Variants in TRIP12 observed in about 807,000 individuals in gnomAD.
The protein encoded by TRIP12 is E3 ubiquitin-protein ligase TRIP12.
A neutral mutation model predicts 244.2 loss-of-function variants in TRIP12; 25 were observed. The ratio of observed to expected loss-of-function variants is 0.10; its 90% CI spans 0.07 to 0.14. The LOEUF (loss-of-function observed/expected upper bound fraction) is 0.14, where lower values mean the gene tolerates loss of function less well. Ranked by LOEUF, TRIP12 falls within the 10% of genes least tolerant of loss-of-function variation. The pLI, the probability that TRIP12 is intolerant of heterozygous loss-of-function variation, is 1.00. For synonymous variants in TRIP12, 905 were observed against 873.1 expected, an observed-to-expected ratio of 1.04 and a Z score of -0.64; for missense variants, 1,677 against 2,486.4, an observed-to-expected ratio of 0.67 and a Z score of 6.92.
chr2:229,853,966 TTA>T (rs1352489656), intron 4 of TRIP12, among the ~76,000 whole-genome samples: 1 of 152,192 alleles, frequency 6.6e-6, no homozygotes, highest in Non-Finnish European at 1.5e-5. Context: ...TTGTTTTCAT[TTA>T]TGTTGATGTA....
At chr2:229,856,714 G>T (rs1446673764) in intron 4 of TRIP12, among the ~76,000 whole-genome samples, 1 of 152,116 alleles carries the variant, frequency 6.6e-6, no homozygotes, top group Non-Finnish European at 1.5e-5. Flanking sequence ...AACACAGGGA[G>T]GAAAGGCAGC....
At chr2:229,882,394 A>C (rs1397543096) in intron 1 of TRIP12, among the ~76,000 whole-genome samples, 2 of 152,194 alleles carry the variant, frequency 1.3e-5, no homozygotes, top group Admixed American at 1.3e-4. Flanking sequence ...AAACATCTCA[A>C]TCACCTGGGA....
upstream of TRIP12, chr2:229,922,239 G>C (rs2076724281): frequency 2.2e-6 from 1 of 445,080 alleles, no homozygotes; most frequent in Non-Finnish European, 4.1e-6. Flanking sequence ...GAAGGGGACT[G>C]TGGAGATCTA....
intron 1 of TRIP12, among the ~76,000 whole-genome samples, chr2:229,898,104 A>T (rs1229836914): frequency 6.6e-6 from 1 of 152,224 alleles, no homozygotes; most frequent in Non-Finnish European, 1.5e-5. Flanking sequence ...TAGAGACAAT[A>T]GGTGATAGTT....
At chr2:229,815,072 G>T in intron 11 of TRIP12, 27 bp downstream of exon 11, 1 of 1,569,218 alleles carries the variant, frequency 6.4e-7, no homozygotes, top group South Asian at 1.2e-5. Flanking sequence ...GCCTGCTTTT[G>T]AACAAACGGG....
intron 1 of TRIP12, among the ~76,000 whole-genome samples, chr2:229,909,752 T>C (rs946674698): frequency 6.6e-6 from 1 of 150,504 alleles, no homozygotes; most frequent in Admixed American, 6.6e-5. Flanking sequence ...ACTCAGGAGG[T>C]GAAGGCAGGA....
intron 23 of TRIP12, among the ~76,000 whole-genome samples, chr2:229,798,043 C>T (rs1021113432): frequency 1.3e-5 from 2 of 152,180 alleles, no homozygotes; most frequent in Non-Finnish European, 2.9e-5. Context: ...AAATACACTG[C>T]AGGTCATTAC....
chr2:229,916,216 G>A (rs2075351884), intron 1 of TRIP12, among the ~76,000 whole-genome samples: 2 of 152,174 alleles, frequency 1.3e-5, no homozygotes, highest in South Asian at 2.1e-4. Context: ...GGCACTTGAA[G>A]CTCACAAAGT....
rs562575426 is a variant in TRIP12 at position 229,869,780 on chromosome 2, G to C, written c.99-9249C>G. Among the ~76,000 whole-genome samples the C allele has an allele frequency of 5.1e-4, 77 of 152,274 alleles. 1 individual carries two copies. The highest frequency in any genetic ancestry group is 3.5e-4 in the Non-Finnish European group (24 of 68,028). ...TATCTCCAGAATCAGAACAACAGTG[G>C]AATAATCAATCCTAGAAAAGGCTAA... is the stretch of plus-strand genomic sequence containing the variant. On this transcript the variant is annotated intron_variant, in intron 2 of 41. Coordinates refer to ENST00000675903, the MANE Select transcript of TRIP12 (RefSeq NM_001348323.3).
Position 229,814,667 on chromosome 2 carries a change from A to C in TRIP12, c.1732-342T>G, listed in dbSNP as rs547252758. 2.6e-5 allele frequency among the ~76,000 whole-genome samples: 4 copies of C among 152,334 alleles called. No individual in the cohort carries two copies. The East Asian group carries it at 7.7e-4, about 29-fold the overall frequency. On this transcript the variant is annotated intron_variant, in intron 11 of 41. Coordinates refer to ENST00000675903, the MANE Select transcript of TRIP12 (RefSeq NM_001348323.3). ...TTACACCATACTGCAAGTTTATCAGATAAAGCAAATTTTGTTGTGCGTTAA... is the reference window on the plus strand; with the variant it reads ...TTACACCATACTGCAAGTTTATCAGCTAAAGCAAATTTTGTTGTGCGTTAA...
intron 34 of TRIP12, among the ~76,000 whole-genome samples, chr2:229,782,941 T>G (rs1235102469): frequency 1.3e-5 from 2 of 152,020 alleles, no homozygotes; most frequent in Non-Finnish European, 2.9e-5. Context: ...ACAAAAAAAT[T>G]AGGTGAAAGA....
intron 1 of TRIP12, among the ~76,000 whole-genome samples, chr2:229,903,763 C>A (rs1209416645): frequency 6.6e-6 from 1 of 151,922 alleles, no homozygotes; most frequent in Non-Finnish European, 1.5e-5. Flanking sequence ...TACCTGTAAT[C>A]CCAGCACTTT....
upstream of TRIP12, chr2:229,922,534 G>T: frequency 2.5e-6 from 4 of 1,613,946 alleles, no homozygotes; most frequent in Non-Finnish European, 3.4e-6. Context: ...GGCTGCCGGA[G>T]ACTCTCTTTG....
chr2:229,801,799 G>A (rs555043360), intron 21 of TRIP12, among the ~76,000 whole-genome samples: 2 of 151,996 alleles, frequency 1.3e-5, no homozygotes, highest in African/African-American at 2.4e-5. Flanking sequence ...AAGATAAATG[G>A]GGAATCAGTA....
Position 229,815,270 on chromosome 2 carries a change from T to C in TRIP12, c.1635+3A>G, listed in dbSNP as rs1364764262. On this transcript the variant is annotated splice_donor_region_variant and intron_variant, in intron 10 of 41. Coordinates refer to ENST00000675903, the MANE Select transcript of TRIP12 (RefSeq NM_001348323.3). ...CCATTAAAAAAATACAATATATACT[T>C]ACAATATCAAAATTGTGCTCCATCT... 2 of 1,492,792 alleles carry C rather than the reference T, an allele frequency of 1.3e-6. No individual in the cohort carries two copies. The highest frequency in any genetic ancestry group is 2.3e-5 in the East Asian group (1 of 43,682). The allele number at this position is 1,492,792 out of a possible 1,614,324, so 92.5% of individuals were successfully genotyped here. A position where few individuals can be genotyped will look rare whatever the true frequency, so the allele number is the denominator to read the frequency against.
intron 9 of TRIP12, among the ~76,000 whole-genome samples, chr2:229,816,399 G>A (rs181434316): frequency 1.7e-4 from 26 of 151,436 alleles, no homozygotes; most frequent in Non-Finnish European, 2.8e-4. Context: ...GAAAGGGGCT[G>A]TCATGTTAAA....
chr2:229,772,722 A>G (rs2034857629), intron 38 of TRIP12, among the ~76,000 whole-genome samples: 1 of 152,050 alleles, frequency 6.6e-6, no homozygotes, highest in African/African-American at 2.4e-5. Flanking sequence ...TTGGCCTCCA[A>G]AAGTGTTGGG....
chr2:229,856,996 T>C (rs2154334291), intron 4 of TRIP12, among the ~76,000 whole-genome samples: 1 of 152,338 alleles, frequency 6.6e-6, no homozygotes, highest in South Asian at 2.1e-4. Flanking sequence ...GTACCTACTA[T>C]TAATAGTATT....
At chr2:229,794,629 C>T (rs542558346) in intron 26 of TRIP12, among the ~76,000 whole-genome samples, 23 of 152,072 alleles carry the variant, frequency 1.5e-4, no homozygotes, top group African/African-American at 4.8e-4. Context: ...TCTAGGCCTC[C>T]GGTCAAAATA....
Sources: allele counts gnomAD v4.1 joint callset (sites outside exome capture counted in the v4.1 genomes callset), GRCh38; gene constraint gnomAD v4.1.1; transcripts MANE v1.5; gene names NCBI Gene and HGNC (gene_info 2026-07-23, HGNC 2026-07-21).